CSMD3: variants seen among roughly 807,000 people sequenced by gnomAD.
CSMD3 encodes the protein CUB and sushi domain-containing protein 3.
In CSMD3, 177 loss-of-function variants were observed where a neutral mutation model predicts 435.2. The ratio of observed to expected loss-of-function variants is 0.41; its 90% CI spans 0.36 to 0.46. The LOEUF (loss-of-function observed/expected upper bound fraction) is 0.46. Ranked by LOEUF, CSMD3 falls within the 20% of genes least tolerant of loss-of-function variation. The pLI, the probability that CSMD3 is intolerant of heterozygous loss-of-function variation, is 0.34. For synonymous variants in CSMD3, 1,656 were observed against 1,520.5 expected, an observed-to-expected ratio of 1.09 and a Z score of -2.07; for missense variants, 4,265 against 4,504.6, an observed-to-expected ratio of 0.95 and a Z score of 1.52.
chr8:112,744,523 G>A (rs1244049191), intron 13 of CSMD3, among the ~76,000 whole-genome samples: 1 of 151,814 alleles, frequency 6.6e-6, no homozygotes. Flanking sequence ...TAGATTAAAT[G>A]ATTGTAATTA....
intron 27 of CSMD3, among the ~76,000 whole-genome samples, chr8:112,537,368 G>A (rs1441070869): frequency 6.6e-6 from 1 of 150,500 alleles, no homozygotes; most frequent in Non-Finnish European, 1.5e-5. Context: ...CCCCAAATTA[G>A]TAGAAGGAAA....
Position 113,408,728 on chromosome 8 carries a change from G to C in CSMD3, c.178+27949C>G, listed in dbSNP as rs755031555. On this transcript the variant is annotated intron_variant, in intron 1 of 70. Transcript: ENST00000297405. ...GTTGGCGTGCAGGGGCGAAATCTTGGCTCACTGCAACCTCTCCCTCCTGGG... is the reference window on the plus strand; with the variant it reads ...GTTGGCGTGCAGGGGCGAAATCTTGCCTCACTGCAACCTCTCCCTCCTGGG... Among the ~76,000 whole-genome samples, 120 of 151,764 alleles carry C rather than the reference G, an allele frequency of 7.9e-4. 1 individual carries two copies. The highest frequency in any genetic ancestry group is 1.4e-3 in the Non-Finnish European group (97 of 67,942).
intron 24 of CSMD3, among the ~76,000 whole-genome samples, chr8:112,566,598 G>T (rs1448764391): frequency 2.0e-5 from 3 of 152,096 alleles, no homozygotes; most frequent in African/African-American, 7.2e-5. Context: ...CTAACAAAGA[G>T]CAGCTTATAA....
intron 13 of CSMD3, among the ~76,000 whole-genome samples, chr8:112,728,558 G>A (rs2077012381): frequency 1.3e-5 from 2 of 151,902 alleles, no homozygotes; most frequent in African/African-American, 4.8e-5. Context: ...ACAAAAATGT[G>A]TCACAAGTAA....
chr8:112,939,969 G>C (rs924849045), intron 9 of CSMD3, among the ~76,000 whole-genome samples: 2 of 151,928 alleles, frequency 1.3e-5, no homozygotes, highest in Non-Finnish European at 2.9e-5. Flanking sequence ...CATTCTTTAG[G>C]AAAGTTTACT....
At chr8:112,961,809 G>A (rs2084240535) in intron 7 of CSMD3, among the ~76,000 whole-genome samples, 2 of 151,902 alleles carry the variant, frequency 1.3e-5, no homozygotes, top group Admixed American at 1.3e-4. Context: ...TAGAAATGGA[G>A]CAAATTCAGG....
intron 6 of CSMD3, among the ~76,000 whole-genome samples, chr8:112,985,231 A>AT (rs2085211724): frequency 1.3e-5 from 2 of 152,078 alleles, no homozygotes; most frequent in Admixed American, 1.3e-4. Flanking sequence ...GGATGAGCAG[A>AT]TTTTCCCTGA....
rs987839479 is a variant in CSMD3, at chr8:112,859,369, A to G, written c.1634-103T>C. On this transcript the variant is annotated intron_variant, in intron 10 of 70. Transcript: ENST00000297405. The stretch of plus-strand genomic sequence containing the variant: ...ACTTTACATTCAAAATGACACAATT[A>G]TAACCACATTGAAATATATATTATG... The G allele has an allele frequency of 6.4e-6, 6 of 939,274 alleles. No individual in the cohort carries two copies. In the African/African-American group the frequency reaches 8.2e-5, roughly 13 times the overall value. The allele number at this position is 939,274 out of a possible 1,614,324, so 58.2% of individuals were successfully genotyped here.
chr8:113,264,516 A>G lies in CSMD3; in HGVS notation c.514+14076T>C, dbSNP rs1030489351. Among the ~76,000 whole-genome samples the G allele has an allele frequency of 2.0e-5, 3 of 151,532 alleles. No individual in the cohort carries two copies. The South Asian group carries it at 6.2e-4, about 31-fold the overall frequency. On this transcript the variant is annotated intron_variant, in intron 3 of 70. Transcript: ENST00000297405. ...TTTTATGCCATCCCATCTTTTTCAC[A>G]TGAAGCACAAAGCTTATGTAGGTCA... is the stretch of plus-strand genomic sequence containing the variant.
At chr8:113,156,999 A>C (rs2091947970) in intron 4 of CSMD3, among the ~76,000 whole-genome samples, 1 of 151,174 alleles carries the variant, frequency 6.6e-6, no homozygotes, top group Admixed American at 6.6e-5. Flanking sequence ...TATTGTATTT[A>C]GGTAGGGTTA....
intron 35 of CSMD3, among the ~76,000 whole-genome samples, chr8:112,398,836 C>T (rs182714428): frequency 6.6e-6 from 1 of 152,112 alleles, no homozygotes; most frequent in East Asian, 1.9e-4. Flanking sequence ...CTAATGCTCT[C>T]ATTGTATTGA....
chr8:112,349,794 A>C (rs189915597), intron 40 of CSMD3, among the ~76,000 whole-genome samples: 6 of 152,284 alleles, frequency 3.9e-5, no homozygotes, highest in African/African-American at 1.4e-4. Context: ...CCAATTAAAC[A>C]CATCATCACT....
chr8:112,651,064 T>C (rs2131636837), intron 18 of CSMD3, among the ~76,000 whole-genome samples: 1 of 152,256 alleles, frequency 6.6e-6, no homozygotes, highest in East Asian at 1.9e-4. Flanking sequence ...CAGTAGCATT[T>C]CTCCAATCAT....
At chr8:112,720,711 G>A (rs1041882242) in intron 13 of CSMD3, among the ~76,000 whole-genome samples, 3 of 152,036 alleles carry the variant, frequency 2.0e-5, no homozygotes, top group East Asian at 1.9e-4. Context: ...GCACAGTGCC[G>A]GATTCTGGCA....
chr8:112,372,863 A>T (rs948546051), intron 38 of CSMD3, among the ~76,000 whole-genome samples: 9 of 151,534 alleles, frequency 5.9e-5, no homozygotes, highest in Non-Finnish European at 8.8e-5. Flanking sequence ...AATAGAAAAA[A>T]AAAGATAAAT....
At chr8:113,411,132 C>T (rs1388678284) in intron 1 of CSMD3, among the ~76,000 whole-genome samples, 1 of 151,832 alleles carries the variant, frequency 6.6e-6, no homozygotes, top group African/African-American at 2.4e-5. Context: ...AGCTATTTGT[C>T]AAATAGCCTC....
At chr8:112,426,248 G>C (rs1016091490) in intron 32 of CSMD3, among the ~76,000 whole-genome samples, 1 of 152,032 alleles carries the variant, frequency 6.6e-6, no homozygotes, top group African/African-American at 2.4e-5. Context: ...GCAGGGGGTG[G>C]GGAGTGAGGG....
At chr8:112,299,557 T>A (rs1820706446) in intron 53 of CSMD3, among the ~76,000 whole-genome samples, 1 of 152,192 alleles carries the variant, frequency 6.6e-6, no homozygotes, top group East Asian at 1.9e-4. Flanking sequence ...ATTGTAGAAT[T>A]AGGTGGTAGG....
intron 4 of CSMD3, among the ~76,000 whole-genome samples, chr8:113,137,763 C>A (rs909406883): frequency 9.2e-5 from 14 of 151,620 alleles, no homozygotes; most frequent in Admixed American, 7.9e-4. Context: ...AATTACCTCT[C>A]AAAGACCACA....
Sources: allele counts gnomAD v4.1 joint callset (sites outside exome capture counted in the v4.1 genomes callset), GRCh38; gene constraint gnomAD v4.1.1; transcripts MANE v1.5; gene names NCBI Gene and HGNC (gene_info 2026-07-23, HGNC 2026-07-21).